Variants in NFXL1 observed in about 807,000 individuals in gnomAD.
NFXL1 encodes nuclear transcription factor, X-box binding like 1, also known as NF-X1-type zinc finger protein NFXL1.
A neutral mutation model predicts 123.3 loss-of-function variants in NFXL1; 66 were observed. That is an observed-to-expected ratio of 0.54 (90% confidence interval 0.44 to 0.66). The LOEUF is 0.66. Ranked by LOEUF, NFXL1 falls within the 30% of genes least tolerant of loss-of-function variation. The pLI, the probability that NFXL1 is intolerant of heterozygous loss-of-function variation, is 0.00. For synonymous variants in NFXL1, 346 were observed against 360.8 expected (o/e 0.96, Z 0.46); for missense variants, 944 against 1,125.6 (o/e 0.84, Z 2.31).
intron 11 of NFXL1, among the ~76,000 whole-genome samples, chr4:47,891,088 GTTAT>G (rs1736737190): frequency 6.6e-6 from 1 of 150,762 alleles, no homozygotes; most frequent in Non-Finnish European, 1.5e-5. Flanking sequence ...TCATTTGGCA[GTTAT>G]TTATTTTCTT....
At chr4:47,886,076 G>A (rs1736411797) in intron 12 of NFXL1, 77 bp from the exon 13 acceptor site, 2 of 1,301,720 alleles carry the variant, frequency 1.5e-6, no homozygotes, top group Non-Finnish European at 1.1e-6. Context: ...CATAAATTTA[G>A]TATATTCACA....
intron 12 of NFXL1, among the ~76,000 whole-genome samples, chr4:47,890,069 A>G (rs1025812115): frequency 6.6e-6 from 1 of 151,994 alleles, no homozygotes; most frequent in African/African-American, 2.4e-5. Flanking sequence ...ATATTATTAC[A>G]TTTTATTTTA....
intron 1 of NFXL1, 54 bp from the exon 2 acceptor site, chr4:47,914,259 C>T: frequency 1.5e-6 from 2 of 1,351,600 alleles, no homozygotes; most frequent in South Asian, 3.1e-5. Context: ...GCAGCGAGGA[C>T]CGAGGCGAAG....
chr4:47,866,230 A>G (rs1445594510), intron 18 of NFXL1, among the ~76,000 whole-genome samples: 1 of 152,178 alleles, frequency 6.6e-6, no homozygotes, highest in African/African-American at 2.4e-5. Context: ...GGAAAGGCAG[A>G]CTTTAGGCAG....
chr4:47,894,494 T>A (rs1736963189), intron 10 of NFXL1, among the ~76,000 whole-genome samples, 192 bp from the exon 11 acceptor site: 1 of 152,054 alleles, frequency 6.6e-6, no homozygotes, highest in Admixed American at 6.6e-5. Flanking sequence ...AAAAAGGACT[T>A]CATATAAATT....
chr4:47,860,531 T>C (rs1257868014), intron 19 of NFXL1, among the ~76,000 whole-genome samples: 5 of 152,212 alleles, frequency 3.3e-5, no homozygotes, highest in African/African-American at 4.8e-5. Context: ...CATTTACCAG[T>C]GGCTTAATGT....
intron 5 of NFXL1, among the ~76,000 whole-genome samples, chr4:47,901,145 G>T (rs900494274): frequency 6.6e-6 from 1 of 152,152 alleles, no homozygotes; most frequent in African/African-American, 2.4e-5. Flanking sequence ...AATTATGCTA[G>T]ATCTTCTTCA....
At chr4:47,907,309 C>T (rs978438012) in intron 3 of NFXL1, among the ~76,000 whole-genome samples, 57 of 152,168 alleles carry the variant, frequency 3.7e-4, no homozygotes, top group African/African-American at 1.3e-3. Context: ...GCCATCTCTG[C>T]TCCCAGATGT....
At chr4:47,857,796 T>A (rs144377951) in intron 19 of NFXL1, among the ~76,000 whole-genome samples, 1 of 152,196 alleles carries the variant, frequency 6.6e-6, no homozygotes, top group Non-Finnish European at 1.5e-5. Flanking sequence ...CCATGGTGAG[T>A]CTATTAGGTT....
chr4:47,901,422 G>T (rs1737349612), intron 5 of NFXL1, among the ~76,000 whole-genome samples: 1 of 151,810 alleles, frequency 6.6e-6, no homozygotes, highest in Non-Finnish European at 1.5e-5. Context: ...CCTCCTCTGT[G>T]GCAAAACGAC....
intron 15 of NFXL1, among the ~76,000 whole-genome samples, chr4:47,880,807 T>TAAAAAAAAAAAAAAAAAAAAAAGA (rs1736057595): frequency 2.5e-5 from 2 of 78,834 alleles, no homozygotes; most frequent in Non-Finnish European, 2.5e-5. Flanking sequence ...AATTAATGAG[T>TAAAAAAAAAAAAAAAAAAAAAAGA]AAAAAAAAAA....
At chr4:47,866,084 C>A (rs925391219) in intron 18 of NFXL1, among the ~76,000 whole-genome samples, 4 of 151,848 alleles carry the variant, frequency 2.6e-5, no homozygotes, top group African/African-American at 9.7e-5. Context: ...AAAGGCAACA[C>A]TCCGGGAAGA....
intron 18 of NFXL1, among the ~76,000 whole-genome samples, chr4:47,874,517 C>A (rs1735628726): frequency 6.6e-6 from 1 of 152,138 alleles, no homozygotes; most frequent in Non-Finnish European, 1.5e-5. Flanking sequence ...CACTGTCTCA[C>A]AGAAGTGCAG....
chr4:47,871,350 C>CAA (rs373960425), intron 18 of NFXL1, among the ~76,000 whole-genome samples: 1,462 of 135,468 alleles, frequency 0.011, 12 homozygotes, highest in Non-Finnish European at 0.015. Flanking sequence ...GACTCCGTCT[C>CAA]AAAAAAAAAA....
chr4:47,863,064 T>A (rs1162671477), intron 18 of NFXL1, 149 bp from the exon 19 acceptor site: 1 of 604,156 alleles, frequency 1.7e-6, no homozygotes, highest in Admixed American at 3.4e-5. Context: ...GTAACAATTA[T>A]CTTCAAATTA....
intron 19 of NFXL1, among the ~76,000 whole-genome samples, chr4:47,860,080 T>C (rs1361963647): frequency 2.0e-5 from 3 of 152,070 alleles, no homozygotes; most frequent in South Asian, 2.1e-4. Context: ...ATGATGACTA[T>C]AGTTAATAAC....
At chr4:47,878,445 A>G (rs1735883973) in intron 17 of NFXL1, 80 bp downstream of exon 17, 3 of 1,135,182 alleles carry the variant, frequency 2.6e-6, no homozygotes, top group Non-Finnish European at 3.6e-6. Context: ...AGCAAAACAG[A>G]AAAATATTTA....
intron 5 of NFXL1, among the ~76,000 whole-genome samples, chr4:47,900,772 C>T (rs1737323334): frequency 6.6e-6 from 1 of 152,106 alleles, no homozygotes; most frequent in South Asian, 2.1e-4. Flanking sequence ...GTATCATATA[C>T]AAAATATTTT....
chr4:47,890,730 C>G, intron 11 of NFXL1, 27 bp from the exon 12 acceptor site: 1 of 1,362,836 alleles, frequency 7.3e-7, no homozygotes, highest in Non-Finnish European at 1.0e-6. Flanking sequence ...ATATAAAGAA[C>G]AGGTAATTCA....
Sources: gnomAD v4.1 joint callset for allele counts (sites outside exome capture counted in the v4.1 genomes callset) on GRCh38, gnomAD v4.1.1 for gene constraint, MANE v1.5 for transcripts, NCBI Gene and HGNC (gene_info 2026-07-23, HGNC 2026-07-21) for gene names.